The following ANKRD44 variants were observed in gnomAD, a reference collection of about 807,000 sequenced individuals.
The protein encoded by ANKRD44 is ankyrin repeat domain 44.
ANKRD44 carries 35 observed loss-of-function variants against 116.0 expected under a neutral mutation model. The observed-to-expected ratio is 0.30, with a 90% CI of 0.23 to 0.40. ANKRD44 has a LOEUF of 0.40. Among genes scored for constraint, ANKRD44 ranks in the 10% least tolerant of loss-of-function variants. The pLI is 1.00. For missense variants in ANKRD44, 1,014 were observed against 1,242.6 expected (o/e 0.82, Z 2.77); for synonymous variants, 435 against 461.8 (o/e 0.94, Z 0.74).
chr2:196,968,270 T>A (rs1191142856), intron 21 of ANKRD44, among the ~76,000 whole-genome samples: 1 of 152,204 alleles, frequency 6.6e-6, no homozygotes, highest in Non-Finnish European at 1.5e-5. Flanking sequence ...AATATTAGAT[T>A]TCCTCAAGGA....
intron 18 of ANKRD44, among the ~76,000 whole-genome samples, chr2:197,009,882 C>T (rs1333300918): frequency 6.6e-6 from 1 of 152,088 alleles, no homozygotes; most frequent in Non-Finnish European, 1.5e-5. Flanking sequence ...TTCTTATCTC[C>T]TGTCATGGGA....
chr2:196,989,650 C>T lies in ANKRD44; in HGVS notation c.2924-1G>A. ...GAACGGGGTCCATTTGACCTAGAAG[C>T]TTTGGCAGAGGGAGCAGACACAGTA... On this transcript the variant is annotated splice_acceptor_variant, in intron 27 of 27. Coordinates refer to ENST00000282272, the MANE Select transcript of ANKRD44 (RefSeq NM_001195144.2). LOFTEE classifies it high-confidence loss of function. 6.5e-7 allele frequency: 1 copy of T among 1,550,182 alleles called. No homozygotes were observed. The highest frequency in any genetic ancestry group is 8.7e-7 in the Non-Finnish European group (1 of 1,146,758).
intron 1 of ANKRD44, among the ~76,000 whole-genome samples, chr2:197,298,704 T>G (rs1230380825): frequency 1.3e-5 from 2 of 152,102 alleles, no homozygotes; most frequent in Non-Finnish European, 2.9e-5. Flanking sequence ...GATCACTTGA[T>G]TCCAGGAGTT....
intron 2 of ANKRD44, among the ~76,000 whole-genome samples, chr2:197,168,059 C>A (rs1293240601): frequency 2.0e-5 from 3 of 152,224 alleles, no homozygotes; most frequent in Admixed American, 2.0e-4. Context: ...CCTTGCTGAA[C>A]TGAAGCCCTG....
At chr2:197,026,054 A>C (rs993502548) in intron 16 of ANKRD44, among the ~76,000 whole-genome samples, 29 of 151,806 alleles carry the variant, frequency 1.9e-4, no homozygotes, top group African/African-American at 6.8e-4. Flanking sequence ...AAACAAAAAA[A>C]AAAAAAACAC....
At chr2:197,227,910 G>A (rs2081758365) in intron 1 of ANKRD44, among the ~76,000 whole-genome samples, 1 of 152,228 alleles carries the variant, frequency 6.6e-6, no homozygotes, top group Admixed American at 6.5e-5. Context: ...ATAATAAGCT[G>A]CACATTAAGA....
At chr2:197,243,552 G>A (rs552328553) in intron 1 of ANKRD44, among the ~76,000 whole-genome samples, 1 of 152,304 alleles carries the variant, frequency 6.6e-6, no homozygotes, top group East Asian at 1.9e-4. Context: ...TAGTCCACTT[G>A]AGTTGCTATA....
chr2:197,012,994 T>C (rs1262173200), intron 18 of ANKRD44, among the ~76,000 whole-genome samples: 1 of 152,198 alleles, frequency 6.6e-6, no homozygotes, highest in Non-Finnish European at 1.5e-5. Flanking sequence ...TTTTGATATA[T>C]ACATGTACTT....
intron 1 of ANKRD44, among the ~76,000 whole-genome samples, chr2:197,300,528 T>C (rs986291544): frequency 1.3e-5 from 2 of 152,190 alleles, no homozygotes; most frequent in Non-Finnish European, 2.9e-5. Context: ...ATATGCCACA[T>C]GAACTCAATA....
intron 27 of ANKRD44, among the ~76,000 whole-genome samples, chr2:196,991,108 G>A (rs1292851928): frequency 1.3e-5 from 2 of 152,306 alleles, no homozygotes; most frequent in African/African-American, 2.4e-5. Flanking sequence ...TAGAGGGGGA[G>A]GGAGGGGGAG....
intron 16 of ANKRD44, among the ~76,000 whole-genome samples, chr2:197,031,395 G>C (rs2076704086): frequency 6.6e-6 from 1 of 152,146 alleles, no homozygotes; most frequent in Non-Finnish European, 1.5e-5. Flanking sequence ...CTGGAGTGCA[G>C]AGCACAGGTA....
chr2:197,310,705 A>G lies in ANKRD44; in HGVS notation c.-101T>C. 8.3e-7 allele frequency: 1 copy of G among 1,209,496 alleles called. No individual in the cohort carries two copies. Among genetic ancestry groups the G allele is most frequent in the Non-Finnish European group, 1.1e-6 (1 of 942,028 alleles). The allele number at this position is 1,209,496 out of a possible 1,614,324, so 74.9% of individuals were successfully genotyped here. A position where few individuals can be genotyped will look rare whatever the true frequency, so the allele number is the denominator to read the frequency against. ...AGGGATTGCCAGGAGAAGGGAAAAA[A>G]TCTGGCTCCCGAATTTGACAGCCCT... is the stretch of plus-strand genomic sequence containing the variant. On this transcript the variant is annotated 5_prime_UTR_variant, in exon 1 of 28. Coordinates refer to ENST00000282272, the MANE Select transcript of ANKRD44 (RefSeq NM_001195144.2).
chr2:197,020,366 T>C (rs1419575357), intron 17 of ANKRD44, among the ~76,000 whole-genome samples: 3 of 152,176 alleles, frequency 2.0e-5, no homozygotes. Context: ...TTGAAAACCC[T>C]CTTAAAGACA....
intron 7 of ANKRD44, among the ~76,000 whole-genome samples, chr2:197,121,859 A>C (rs2078862916): frequency 6.6e-6 from 1 of 152,186 alleles, no homozygotes; most frequent in African/African-American, 2.4e-5. Context: ...AAGAGAAGTA[A>C]ATCAGAGGAG....
At chr2:197,017,349 A>G (rs1026531151) in intron 17 of ANKRD44, among the ~76,000 whole-genome samples, 1 of 152,234 alleles carries the variant, frequency 6.6e-6, no homozygotes, top group Non-Finnish European at 1.5e-5. Context: ...TAGGAAGTAG[A>G]GTAATAAATG....
Position 197,039,523 on chromosome 2 carries a change from C to T in ANKRD44, c.1651-14256G>A, listed in dbSNP as rs1233820255. Among the ~76,000 whole-genome samples the T allele has an allele frequency of 2.0e-5, 3 of 152,188 alleles. No individual in the cohort carries two copies. In the East Asian group the frequency reaches 5.8e-4, roughly 29 times the overall value. On this transcript the variant is annotated intron_variant, in intron 16 of 27. Coordinates refer to ENST00000282272, the MANE Select transcript of ANKRD44 (RefSeq NM_001195144.2). ...GGCCTAGACCATACCTATTTAACTT[C>T]TAATTTTGCAGAGTATTTCAAAGGT...
chr2:196,996,356 A>T (rs1208155455), intron 25 of ANKRD44, among the ~76,000 whole-genome samples: 1 of 152,242 alleles, frequency 6.6e-6, no homozygotes, highest in Non-Finnish European at 1.5e-5. Flanking sequence ...TGGGCTTCCC[A>T]GAGCATGAAG....
chr2:197,004,472 A>T (rs2076168674), intron 21 of ANKRD44, among the ~76,000 whole-genome samples: 1 of 152,216 alleles, frequency 6.6e-6, no homozygotes, highest in South Asian at 2.1e-4. Flanking sequence ...TCAATAGGAA[A>T]AAAGTGAACA....
At chr2:197,147,181 T>C in intron 2 of ANKRD44, 76 bp from the exon 3 acceptor site, 2 of 1,134,704 alleles carry the variant, frequency 1.8e-6, no homozygotes, top group Non-Finnish European at 2.6e-6. Context: ...TAGTAAGACG[T>C]GTCACTCACT....
Sources: allele counts gnomAD v4.1 joint callset (sites outside exome capture counted in the v4.1 genomes callset), GRCh38; gene constraint gnomAD v4.1.1; transcripts MANE v1.5; gene names NCBI Gene and HGNC (gene_info 2026-07-23, HGNC 2026-07-21).